The following DYNC2H1 variants were observed in gnomAD, a reference collection of about 807,000 sequenced individuals.
DYNC2H1 encodes the protein dynein cytoplasmic 2 heavy chain 1.
In DYNC2H1, 410 loss-of-function variants were observed where a neutral mutation model predicts 570.0. That is an observed-to-expected ratio of 0.72 (90% CI 0.66 to 0.78). The LOEUF (loss-of-function observed/expected upper bound fraction) is 0.78, where lower values mean the gene tolerates loss of function less well. DYNC2H1 is among the 30% of genes least tolerant of loss of function. The pLI is 0.00. For missense variants in DYNC2H1, 4,865 were observed against 5,046.4 expected, an observed-to-expected ratio of 0.96 and a Z score of 1.09; for synonymous variants, 1,688 against 1,677.6, an observed-to-expected ratio of 1.01 and a Z score of -0.15.
chr11:103,165,564 T>C (rs936170504), intron 30 of DYNC2H1, among the ~76,000 whole-genome samples: 4 of 152,218 alleles, frequency 2.6e-5, no homozygotes, highest in Non-Finnish European at 5.9e-5. Flanking sequence ...ATCTTTGTAG[T>C]TTACTGGTTG....
chr11:103,114,203 T>G lies in DYNC2H1; in HGVS notation c.467T>G (p.Leu156Ter). 6.3e-7 allele frequency: 1 copy of G among 1,598,602 alleles called. No homozygotes were observed. The highest frequency in any genetic ancestry group is 8.5e-7 in the Non-Finnish European group (1 of 1,171,620). The change falls in exon 3 of 89, where the codon TTA becomes TGA. Residue 156 changes from leucine to a stop codon, truncating the protein, a stop_gained. Coordinates refer to ENST00000375735, the MANE Select transcript of DYNC2H1 (RefSeq NM_001377.3). LOFTEE classifies it high-confidence loss of function. ...GTTCTACGAAGATCAGACACTAACT[T>G]AACAAAATTGAAATTTAAGGAAGAT... ...GIVLRRSDTN[L>*]TKLKFKEDDT... is the part of the protein sequence containing the mutation.
At chr11:103,396,352 T>C (rs936103517) in intron 83 of DYNC2H1, among the ~76,000 whole-genome samples, 3 of 152,198 alleles carry the variant, frequency 2.0e-5, no homozygotes, top group Admixed American at 2.0e-4. Context: ...AACCCAGTCA[T>C]ACCTATTTGT....
At position 103,199,604 on chromosome 11, in the gene DYNC2H1, C is replaced by G; in HGVS notation, c.8088+128C>G. The G allele has an allele frequency of 1.2e-6, 1 of 854,678 alleles. No homozygotes were observed. The allele number at this position is 854,678 out of a possible 1,614,324, so 52.9% of individuals were successfully genotyped here. A position where few individuals can be genotyped will look rare whatever the true frequency, so the allele number is the denominator to read the frequency against. On this transcript the variant is annotated intron_variant, in intron 49 of 88. Transcript: ENST00000375735. The surrounding 1 kb of genome is among the most constrained non-coding windows in gnomAD (Gnocchi z 4.6). The stretch of plus-strand genomic sequence containing the variant: ...AGAACATCTTTAAAGAACTAAAGTT[C>G]TCTGTTATACAATGTAGTCTTTATT...
At chr11:103,197,890 AC>A (rs1439933209) in intron 47 of DYNC2H1, 42 bp from the exon 48 acceptor site, 2 of 1,542,238 alleles carry the variant, frequency 1.3e-6, no homozygotes, top group African/African-American at 1.4e-5. Context: ...AACTCTCATT[AC>A]GAGTAATGCA....
intron 76 of DYNC2H1, among the ~76,000 whole-genome samples, chr11:103,303,857 T>G (rs1192223068): frequency 3.3e-5 from 5 of 152,182 alleles, no homozygotes; most frequent in Non-Finnish European, 7.4e-5. Context: ...TTTGCTACCA[T>G]TTTGAGAATT....
At chr11:103,258,211 A>G (rs1358550771) in intron 69 of DYNC2H1, among the ~76,000 whole-genome samples, 1 of 152,224 alleles carries the variant, frequency 6.6e-6, no homozygotes, top group Non-Finnish European at 1.5e-5. Flanking sequence ...AAAGGATAAC[A>G]AATTGTTTTA....
At chr11:103,359,415 C>T (rs1565525871) in intron 83 of DYNC2H1, among the ~76,000 whole-genome samples, 1 of 152,128 alleles carries the variant, frequency 6.6e-6, no homozygotes, top group Non-Finnish European at 1.5e-5. Flanking sequence ...ATTTAGACTT[C>T]CTTGCACTAA....
chr11:103,204,728 A>T lies in DYNC2H1; in HGVS notation c.8312-94A>T, dbSNP rs1393686763. 6 of 875,152 alleles carry T rather than the reference A, an allele frequency of 6.9e-6. No individual in the cohort carries two copies. The highest frequency in any genetic ancestry group is 1.0e-5 in the Non-Finnish European group (6 of 588,602). The allele number at this position is 875,152 out of a possible 1,614,324, so 54.2% of individuals were successfully genotyped here. A position where few individuals can be genotyped will look rare whatever the true frequency, so the allele number is the denominator to read the frequency against. ...TATATTGTGCTCGTTTTAAGAAACA[A>T]CTCCTACTATTTCATTTGAGAAAAT... On this transcript the variant is annotated intron_variant, in intron 51 of 88. Coordinates refer to ENST00000375735, the MANE Select transcript of DYNC2H1 (RefSeq NM_001377.3). The surrounding 1 kb of genome is among the most constrained non-coding windows in gnomAD (Gnocchi z 4.1).
In DYNC2H1 at chr11:103,361,111, G is replaced by A. The variant is rs142305444; in HGVS notation, c.12156+2752G>A. Among the ~76,000 whole-genome samples the A allele has an allele frequency of 3.8e-3, 584 of 152,294 alleles. 5 individuals are homozygous for A. The highest frequency in any genetic ancestry group is 0.013 in the African/African-American group (560 of 41,534). ...AGAGACCAAAGGATAGAGTAGATGA[G>A]GTAAGGGGATGCTATGATCTGAATG... On this transcript the variant is annotated intron_variant, in intron 83 of 88. Coordinates refer to ENST00000375735, the MANE Select transcript of DYNC2H1 (RefSeq NM_001377.3).
rs772328427 is a variant in DYNC2H1, at chr11:103,220,609, T to C, written c.8947-14T>C. ...ATATAATTTGAAGATAAAAATGGCC[T>C]TTTTCTCTTTTAGCCTTTAGTCAAT... On this transcript the variant is annotated splice_polypyrimidine_tract_variant and intron_variant, in intron 56 of 88. Coordinates refer to ENST00000375735, the MANE Select transcript of DYNC2H1 (RefSeq NM_001377.3). 2 of 1,565,506 alleles carry C rather than the reference T, an allele frequency of 1.3e-6. No individual in the cohort carries two copies. The highest frequency in any genetic ancestry group is 4.5e-5 in the East Asian group (2 of 44,210).
chr11:103,462,442 G>T (rs548113758), intron 87 of DYNC2H1, among the ~76,000 whole-genome samples: 1 of 152,262 alleles, frequency 6.6e-6, no homozygotes, highest in South Asian at 2.1e-4. Flanking sequence ...TGTACAGGCA[G>T]TGACAGCCTC....
intron 82 of DYNC2H1, among the ~76,000 whole-genome samples, chr11:103,342,593 C>A (rs565510672): frequency 6.3e-4 from 95 of 151,932 alleles, no homozygotes; most frequent in South Asian, 6.3e-4. Context: ...AGCTCCGCCT[C>A]CCAGGTTCAA....
intron 53 of DYNC2H1, among the ~76,000 whole-genome samples, chr11:103,211,206 G>GT (rs58455190): frequency 0.99 from 149,959 of 151,946 alleles, 74,028 homozygotes; most frequent in East Asian, 1. Flanking sequence ...AGTCGAGGAT[G>GT]TTTTTTGGGT....
chr11:103,415,060 T>C (rs1591715328), intron 84 of DYNC2H1, among the ~76,000 whole-genome samples: 1 of 152,146 alleles, frequency 6.6e-6, no homozygotes, highest in Admixed American at 6.5e-5. Flanking sequence ...ACACAAGCAA[T>C]GGGGAAAGGA....
intron 70 of DYNC2H1, among the ~76,000 whole-genome samples, chr11:103,279,717 G>A (rs181249995): frequency 7.5e-4 from 114 of 152,094 alleles, no homozygotes; most frequent in East Asian, 3.5e-3. Flanking sequence ...TTCTGCTTTC[G>A]TTTTACCTGT....
At chr11:103,110,149 C>T (rs986284991) in intron 1 of DYNC2H1, among the ~76,000 whole-genome samples, 2 of 152,066 alleles carry the variant, frequency 1.3e-5, no homozygotes, top group African/African-American at 4.8e-5. Flanking sequence ...GTGCCTCAGC[C>T]TCCCGAGTAG....
chr11:103,389,867 T>A (rs182905965), intron 83 of DYNC2H1, among the ~76,000 whole-genome samples: 271 of 152,284 alleles, frequency 1.8e-3, no homozygotes, highest in African/African-American at 6.2e-3. Flanking sequence ...AGAGACAGTT[T>A]GTTATAATTT....
rs1364190092 is a variant in DYNC2H1 at position 103,324,522 on chromosome 11, TC to T, written c.12039+534del. Reference sequence around the variant, plus strand: ...ATGGTCTTGCTCCAGCTCCTTCACTTCCTTGCTGCAAAGGACATGGTCTTGT... The same window carrying T: ...ATGGTCTTGCTCCAGCTCCTTCACTTCTTGCTGCAAAGGACATGGTCTTGT... On this transcript the variant is annotated intron_variant, in intron 82 of 88. Transcript: ENST00000375735. This position sits in a 1 kb window ranked among gnomAD's most constrained non-coding sequence, Gnocchi z 5.2. 1.3e-5 allele frequency among the ~76,000 whole-genome samples: 2 copies of T among 152,192 alleles called. No individual in the cohort carries two copies. Among genetic ancestry groups the T allele is most frequent in the Non-Finnish European group, 2.9e-5 (2 of 68,032 alleles).
chr11:103,457,941 G>A (rs1411109146), intron 87 of DYNC2H1, among the ~76,000 whole-genome samples: 1 of 152,148 alleles, frequency 6.6e-6, no homozygotes, highest in African/African-American at 2.4e-5. Flanking sequence ...AACACGAGAT[G>A]TGTAAAAAAT....
Sources: gnomAD v4.1 joint callset for allele counts (sites outside exome capture counted in the v4.1 genomes callset) on GRCh38, gnomAD v4.1.1 for gene constraint, Gnocchi (gnomAD v3.1) non-coding constraint, MANE v1.5 for transcripts, NCBI Gene and HGNC (gene_info 2026-07-23, HGNC 2026-07-21) for gene names.